Variants in CFDP1 observed in about 807,000 individuals in gnomAD.
The protein encoded by CFDP1 is chromatin remodeling protein CFDP1.
Under a neutral mutation model 40.1 loss-of-function variants are expected in CFDP1, and 31 were observed. The observed-to-expected ratio is 0.77, with a 90% CI of 0.58 to 1.04. The LOEUF is 1.04. Among genes scored for constraint, CFDP1 ranks in the 50% least tolerant of loss-of-function variants. The pLI is 0.00. For missense variants in CFDP1, 423 were observed against 343.4 expected (o/e 1.23, Z -1.83); for synonymous variants, 167 against 120.0 (o/e 1.39, Z -2.56).
At chr16:75,314,009 C>T (rs773510997) in intron 5 of CFDP1, among the ~76,000 whole-genome samples, 4 of 152,108 alleles carry the variant, frequency 2.6e-5, no homozygotes, top group Non-Finnish European at 5.9e-5. Context: ...CTCAGCCTCC[C>T]GAGTAGCTGG....
At position 75,412,654 on chromosome 16, in the gene CFDP1, C is replaced by A; in HGVS notation, c.283G>T (p.Glu95Ter). Reference protein sequence around the residue: ...SSSEEEDDAAEQEKGIGSEDA... With the variant: ...SSSEEEDDAA ...TCTGATCCAATGCCTTTTTCCTGCT[C>A]TGCAGCGTCATCTTCCTCCTCACTA... Residue 95 changes from glutamate (E) to a stop codon, truncating the protein, a stop_gained, in exon 3 of 7, where the codon GAG becomes TAG. Transcript: ENST00000283882. LOFTEE classifies it high-confidence loss of function. 6.2e-7 allele frequency: 1 copy of A among 1,614,154 alleles called. No individual in the cohort carries two copies. The highest frequency in any genetic ancestry group is 2.2e-5 in the East Asian group (1 of 44,872).
At chr16:75,320,653 G>C (rs149516542) in intron 5 of CFDP1, among the ~76,000 whole-genome samples, 54 of 152,286 alleles carry the variant, frequency 3.5e-4, no homozygotes, top group Non-Finnish European at 7.2e-4. Context: ...GAGTGGCTTT[G>C]CTATGGCCTT....
intron 5 of CFDP1, among the ~76,000 whole-genome samples, chr16:75,369,394 A>AC (rs1319090377): frequency 2.6e-5 from 4 of 152,206 alleles, no homozygotes; most frequent in African/African-American, 7.2e-5. Context: ...AAAAAAACAA[A>AC]AACAAAACAA....
At chr16:75,347,322 C>T (rs568885170) in intron 5 of CFDP1, among the ~76,000 whole-genome samples, 53 of 111,482 alleles carry the variant, frequency 4.8e-4, no homozygotes, top group Admixed American at 1.0e-3. Flanking sequence ...CCAGCCCTGG[C>T]GACACAGTGA....
chr16:75,408,970 G>A (rs766695012), intron 4 of CFDP1, among the ~76,000 whole-genome samples: 1 of 151,730 alleles, frequency 6.6e-6, no homozygotes, highest in Non-Finnish European at 1.5e-5. Context: ...TGATTCTCCT[G>A]CTTCAGCCTC....
Position 75,328,563 on chromosome 16 carries a change from C to T in CFDP1, c.651-23381G>A, listed in dbSNP as rs1278654311. Among the ~76,000 whole-genome samples, 5 of 130,894 alleles carry T rather than the reference C, an allele frequency of 3.8e-5. No individual in the cohort carries two copies. The East Asian group carries it at 1.2e-3, about 31-fold the overall frequency. 85.9% of individuals were successfully genotyped at this position (130,894 alleles called of 152,430 possible). On this transcript the variant is annotated intron_variant, in intron 5 of 6. Coordinates refer to ENST00000283882, the MANE Select transcript of CFDP1 (RefSeq NM_006324.3). Reference sequence around the variant, plus strand: ...GCAGTGAGCCAAGATCATGCCATTGCACTCCAGCCTGGGCGACAAGAATGA... The same window carrying T: ...GCAGTGAGCCAAGATCATGCCATTGTACTCCAGCCTGGGCGACAAGAATGA...
intron 5 of CFDP1, among the ~76,000 whole-genome samples, chr16:75,354,260 T>A (rs2078631948): frequency 6.6e-6 from 1 of 152,192 alleles, no homozygotes; most frequent in Admixed American, 6.5e-5. Flanking sequence ...CAACTTACAA[T>A]GCATTTATTG....
At chr16:75,339,518 C>T (rs1025824922) in intron 5 of CFDP1, among the ~76,000 whole-genome samples, 2 of 152,116 alleles carry the variant, frequency 1.3e-5, no homozygotes, top group African/African-American at 4.8e-5. Flanking sequence ...TATGTGCTTG[C>T]TCATGGCTGT....
intron 5 of CFDP1, among the ~76,000 whole-genome samples, chr16:75,313,589 C>A (rs1382822961): frequency 3.3e-5 from 5 of 152,180 alleles, no homozygotes; most frequent in Non-Finnish European, 7.3e-5. Context: ...CCTGGGTCTC[C>A]CATAGTGCTG....
intron 5 of CFDP1, among the ~76,000 whole-genome samples, chr16:75,387,003 T>C (rs1020577972): frequency 6.6e-6 from 1 of 152,234 alleles, no homozygotes; most frequent in East Asian, 1.9e-4. Flanking sequence ...TTCTAATCTA[T>C]TTACTCTGTA....
rs1020548493 is a variant in CFDP1 at position 75,319,679 on chromosome 16, C to G, written c.651-14497G>C. Among the ~76,000 whole-genome samples the G allele has an allele frequency of 5.3e-5, 8 of 152,262 alleles. No individual in the cohort carries two copies. In the East Asian group the frequency reaches 5.8e-4, roughly 11 times the overall value. ...TTAATGAGGCTCAGATCCCAACCTG[C>G]CCCTCTTCCTCCAGAGGCAGCTTCC... On this transcript the variant is annotated intron_variant, in intron 5 of 6. Transcript: ENST00000283882.
At chr16:75,404,378 C>T (rs2079081085) in intron 4 of CFDP1, among the ~76,000 whole-genome samples, 1 of 151,662 alleles carries the variant, frequency 6.6e-6, no homozygotes, top group Admixed American at 6.6e-5. Flanking sequence ...CCCGCCACTG[C>T]ACCCAGCTAA....
intron 5 of CFDP1, among the ~76,000 whole-genome samples, chr16:75,326,714 G>T (rs1201448827): frequency 6.6e-6 from 1 of 152,182 alleles, no homozygotes; most frequent in Non-Finnish European, 1.5e-5. Flanking sequence ...CTTCCAAGGA[G>T]AGCGGTAAAA....
chr16:75,343,795 G>A (rs115977788), intron 5 of CFDP1, among the ~76,000 whole-genome samples: 2,351 of 152,262 alleles, frequency 0.015, 58 homozygotes, highest in African/African-American at 0.053. Flanking sequence ...GTCATCTCGC[G>A]CATGAAAGGC....
At chr16:75,308,311 A>G (rs944140750) in intron 5 of CFDP1, among the ~76,000 whole-genome samples, 7 of 152,012 alleles carry the variant, frequency 4.6e-5, no homozygotes, top group Non-Finnish European at 8.8e-5. Flanking sequence ...TCTTATATTG[A>G]CTTTTCCTCC....
At chr16:75,414,083 T>TA (rs1174633770) in intron 2 of CFDP1, among the ~76,000 whole-genome samples, 1 of 152,032 alleles carries the variant, frequency 6.6e-6, no homozygotes, top group Non-Finnish European at 1.5e-5. Flanking sequence ...CTAAATAAAG[T>TA]AAGGCCTATT....
rs957300783 is a variant in CFDP1 at position 75,433,470 on chromosome 16, C to G, written c.-118G>C. Reference sequence around the variant, plus strand: ...CGGCGACGGCAGCTAGGGCGGCCCCCGACAGCGCTTTGCACATGCGCAGAG... The same window carrying G: ...CGGCGACGGCAGCTAGGGCGGCCCCGGACAGCGCTTTGCACATGCGCAGAG... On this transcript the variant is annotated 5_prime_UTR_variant, in exon 1 of 7. Coordinates refer to ENST00000283882, the MANE Select transcript of CFDP1 (RefSeq NM_006324.3). 1.1e-6 allele frequency: 1 copy of G among 928,940 alleles called. No individual in the cohort carries two copies. Among genetic ancestry groups the G allele is most frequent in the Non-Finnish European group, 1.7e-6 (1 of 600,760 alleles). 57.5% of individuals were successfully genotyped at this position (928,940 alleles called of 1,614,324 possible).
At chr16:75,365,913 G>A (rs2078710536) in intron 5 of CFDP1, among the ~76,000 whole-genome samples, 1 of 152,256 alleles carries the variant, frequency 6.6e-6, no homozygotes, top group East Asian at 1.9e-4. Flanking sequence ...AGTGGACAAA[G>A]CGAACCCTCA....
At chr16:75,414,771 G>C in intron 1 of CFDP1, 76 bp from the exon 2 acceptor site, 1 of 892,144 alleles carries the variant, frequency 1.1e-6, no homozygotes. Flanking sequence ...ATTAATACAA[G>C]CTTTCACACC....
Sources: gnomAD v4.1 joint callset for allele counts (sites outside exome capture counted in the v4.1 genomes callset) on GRCh38, gnomAD v4.1.1 for gene constraint, MANE v1.5 for transcripts, NCBI Gene and HGNC (gene_info 2026-07-23, HGNC 2026-07-21) for gene names.